The following SNURF variants were observed in gnomAD, a reference collection of about 807,000 sequenced individuals.
SNURF encodes SNURF protein.
In SNURF, 6 loss-of-function variants were observed where a neutral mutation model predicts 11.6. The ratio of observed to expected loss-of-function variants is 0.52; its 90% CI spans 0.28 to 1.02. The LOEUF is 1.02. SNURF is among the 50% of genes least tolerant of loss of function. The pLI, the probability that SNURF is intolerant of heterozygous loss-of-function variation, is 0.09. For missense variants in SNURF, 84 were observed against 88.4 expected, an observed-to-expected ratio of 0.95 and a Z score of 0.20; for synonymous variants, 29 against 31.6, an observed-to-expected ratio of 0.92 and a Z score of 0.27.
At chr15:24,973,323 A>G (rs535673832), downstream of SNURF, among the ~76,000 whole-genome samples, 13 of 152,300 alleles carry the variant, frequency 8.5e-5, no homozygotes, top group African/African-American at 2.9e-4. Context: ...GGTTTGTGTA[A>G]GTACACTGTT....
chr15:24,975,648 G>A (rs1427972548), intron 4 of SNURF: 3 of 681,804 alleles, frequency 4.4e-6, no homozygotes, highest in South Asian at 1.9e-5. Flanking sequence ...TTAACCTCTT[G>A]ACCTGATCTC....
At chr15:24,961,955 G>A (rs1465801065) in intron 1 of SNURF, among the ~76,000 whole-genome samples, 159 bp from the exon 2 acceptor site, 1 of 152,112 alleles carries the variant, frequency 6.6e-6, no homozygotes, top group Non-Finnish European at 1.5e-5. Flanking sequence ...CATAGATTAT[G>A]ACTGTTTGAA....
chr15:24,967,808 GAA>G (rs35146696), intron 2 of SNURF, 122 bp from the exon 3 acceptor site: 36,455 of 468,504 alleles, frequency 0.078, 1 homozygote, highest in East Asian at 0.12. Context: ...ACCCTGTCTG[GAA>G]AAAAAAAAAA....
At chr15:24,977,875 G>T, downstream of SNURF, 1 of 1,607,462 alleles carries the variant, frequency 6.2e-7, no homozygotes, top group Non-Finnish European at 8.5e-7. Flanking sequence ...CCAGGACGGG[G>T]CACTCCGCCC....
At chr15:24,961,962 T>G in intron 1 of SNURF, 152 bp from the exon 2 acceptor site, 2 of 761,028 alleles carry the variant, frequency 2.6e-6, no homozygotes, top group Non-Finnish European at 4.5e-6. Context: ...TATGACTGTT[T>G]GAAGGTTAAA....
chr15:24,975,327 C>T (rs549049202), intron 3 of SNURF: 7 of 1,593,268 alleles, frequency 4.4e-6, no homozygotes, highest in Non-Finnish European at 6.0e-6. Flanking sequence ...TGTTGGCAAG[C>T]TGAACATGAC....
At chr15:24,972,280 C>T (rs2076512883), downstream of SNURF, among the ~76,000 whole-genome samples, 1 of 150,168 alleles carries the variant, frequency 6.7e-6, no homozygotes, top group Admixed American at 6.7e-5. Context: ...AAGGATATTG[C>T]TAATGAGTCT....
chr15:24,975,507 C>A lies in SNURF; in HGVS notation c.*195C>A, dbSNP rs747086080. The A allele has an allele frequency of 1.9e-6, 3 of 1,612,732 alleles. No individual in the cohort carries two copies. The South Asian group carries it at 3.3e-5, about 18-fold the overall frequency. On this transcript the variant is annotated splice_region_variant and 3_prime_UTR_variant and NMD_transcript_variant, in exon 4 of 7. Coordinates refer to the SNURF transcript ENST00000580062. Reference sequence around the variant, plus strand: ...GTGATTGTGATGAGTTCAGAAAGATCAAGTAAGGCTGATTTGGGCAAATGG... The same window carrying A: ...GTGATTGTGATGAGTTCAGAAAGATAAAGTAAGGCTGATTTGGGCAAATGG...
downstream of SNURF, among the ~76,000 whole-genome samples, chr15:24,971,252 T>C (rs2153631074): frequency 6.6e-6 from 1 of 152,358 alleles, no homozygotes; most frequent in Middle Eastern, 3.4e-3. Flanking sequence ...ACACTATGAC[T>C]GCTCATCCAT....
intron 3 of SNURF, among the ~76,000 whole-genome samples, chr15:24,974,126 G>A (rs547019881): frequency 6.6e-6 from 1 of 152,330 alleles, no homozygotes; most frequent in East Asian, 1.9e-4. Flanking sequence ...TCAGTCCTAA[G>A]TGTGTCAAAT....
downstream of SNURF, chr15:24,978,423 A>T: frequency 6.2e-7 from 1 of 1,613,912 alleles, no homozygotes; most frequent in Non-Finnish European, 8.5e-7. Flanking sequence ...CTCCCCCAGG[A>T]ATGCGTCCAC....
intron 2 of SNURF, among the ~76,000 whole-genome samples, chr15:24,964,586 C>T (rs912934760): frequency 6.6e-6 from 1 of 152,202 alleles, no homozygotes; most frequent in African/African-American, 2.4e-5. Flanking sequence ...GTGTGAGCCA[C>T]TGCGCCCAGC....
chr15:24,965,715 A>G (rs1173222729), intron 2 of SNURF, among the ~76,000 whole-genome samples: 2 of 152,266 alleles, frequency 1.3e-5, no homozygotes, highest in Admixed American at 6.5e-5. Context: ...TAAGCTTCAC[A>G]TGTCTTTTCA....
At chr15:24,964,513 C>T (rs1193403446) in intron 2 of SNURF, among the ~76,000 whole-genome samples, 5 of 152,070 alleles carry the variant, frequency 3.3e-5, no homozygotes, top group Non-Finnish European at 4.4e-5. Flanking sequence ...AGGCTGGGCT[C>T]GAACTCCCGA....
downstream of SNURF, chr15:24,978,485 G>A (rs775235918): frequency 8.3e-6 from 13 of 1,573,936 alleles, no homozygotes; most frequent in East Asian, 6.7e-5. Context: ...CCCCTGCAAT[G>A]CGTCTTGTGA....
intron 1 of SNURF, among the ~76,000 whole-genome samples, chr15:24,956,828 C>T (rs1292744737): frequency 5.3e-5 from 8 of 152,146 alleles, no homozygotes; most frequent in South Asian, 2.1e-4. Flanking sequence ...GTACCACCTC[C>T]GCCTGTGTGG....
At chr15:24,973,555 G>C (rs2076710228), downstream of SNURF, among the ~76,000 whole-genome samples, 1 of 151,858 alleles carries the variant, frequency 6.6e-6, no homozygotes, top group African/African-American at 2.4e-5. Flanking sequence ...CCACCACCAT[G>C]CCTGGCTAAT....
downstream of SNURF, among the ~76,000 whole-genome samples, chr15:24,972,198 G>T (rs541920874): frequency 6.6e-6 from 1 of 150,860 alleles, no homozygotes; most frequent in Non-Finnish European, 1.5e-5. Flanking sequence ...GGAGGCTGCA[G>T]TGAGCCGAGA....
At chr15:24,964,994 A>G (rs765767306) in intron 2 of SNURF, among the ~76,000 whole-genome samples, 3 of 152,184 alleles carry the variant, frequency 2.0e-5, no homozygotes, top group Non-Finnish European at 4.4e-5. Flanking sequence ...GTGTAGAGTT[A>G]GGGAAATAGT....
Sources: gnomAD v4.1 joint callset for allele counts (sites outside exome capture counted in the v4.1 genomes callset) on GRCh38, gnomAD v4.1.1 for gene constraint, MANE v1.5 for transcripts, NCBI Gene and HGNC (gene_info 2026-07-23, HGNC 2026-07-21) for gene names.